AMPD3: variants seen among roughly 807,000 people sequenced by gnomAD.
AMPD3 encodes adenosine monophosphate deaminase 3.
Under a neutral mutation model 82.3 loss-of-function variants are expected in AMPD3, and 57 were observed. The ratio of observed to expected loss-of-function variants is 0.69; its 90% CI spans 0.56 to 0.86. AMPD3 has a LOEUF of 0.86. AMPD3 is among the 40% of genes least tolerant of loss of function. The probability of loss-of-function intolerance (pLI) is 0.00; values close to 1 mark genes in which losing one functional copy is unlikely to be tolerated. For missense variants in AMPD3, 870 were observed against 1,003.8 expected (o/e 0.87, Z 1.80); for synonymous variants, 381 against 394.7 (o/e 0.97, Z 0.41).
chr11:10,497,341 A>G (rs1304329959), intron 10 of AMPD3, among the ~76,000 whole-genome samples: 2 of 152,024 alleles, frequency 1.3e-5, no homozygotes, highest in African/African-American at 2.4e-5. Flanking sequence ...TTTACCTCGC[A>G]ACAGAGGCCC....
chr11:10,454,144 T>C (rs531439091), upstream of AMPD3, among the ~76,000 whole-genome samples: 2 of 152,298 alleles, frequency 1.3e-5, no homozygotes, highest in East Asian at 1.9e-4. Flanking sequence ...GGTGGAATTG[T>C]GAGGTCCTGA....
chr11:10,496,180 G>A, intron 9 of AMPD3: 7 of 975,562 alleles, frequency 7.2e-6, no homozygotes, highest in Non-Finnish European at 8.5e-6. Flanking sequence ...CTCCCAAAAT[G>A]CTGGGATTAC....
At chr11:10,490,984 G>T (rs1468928424) in intron 6 of AMPD3, among the ~76,000 whole-genome samples, 1 of 152,232 alleles carries the variant, frequency 6.6e-6, no homozygotes, top group Non-Finnish European at 1.5e-5. Flanking sequence ...ATGAGTGAGT[G>T]CTGTGGCTAA....
At chr11:10,484,197 AGAG>A in intron 4 of AMPD3, 4 of 972,012 alleles carry the variant, frequency 4.1e-6, no homozygotes, top group Non-Finnish European at 4.9e-6. Flanking sequence ...GAAATTGCAT[AGAG>A]GAGTTTTCTA....
chr11:10,495,237 G>A (rs536168795), intron 8 of AMPD3: 1 of 985,428 alleles, frequency 1.0e-6, no homozygotes, highest in East Asian at 1.1e-4. Flanking sequence ...GGAAAGAGGA[G>A]GGAAGGGTAT....
At chr11:10,501,326 G>T in intron 11 of AMPD3, 144 bp from the exon 12 acceptor site, 1 of 1,449,366 alleles carries the variant, frequency 6.9e-7, no homozygotes, top group Non-Finnish European at 9.1e-7. Flanking sequence ...ATTTTAGGAG[G>T]GGTAGTTTCC....
At chr11:10,472,364 G>A (rs898237288) in intron 2 of AMPD3, among the ~76,000 whole-genome samples, 3 of 152,000 alleles carry the variant, frequency 2.0e-5, no homozygotes, top group Non-Finnish European at 4.4e-5. Flanking sequence ...GATGGGTGCA[G>A]CAAACCACCA....
chr11:10,496,193 G>A (rs1257107171), intron 9 of AMPD3: 1 of 984,142 alleles, frequency 1.0e-6, no homozygotes, highest in East Asian at 1.1e-4. Context: ...GGGATTACAG[G>A]TGTGAGCCAC....
chr11:10,466,547 AC>A (rs1458131770), intron 2 of AMPD3, among the ~76,000 whole-genome samples: 1 of 152,152 alleles, frequency 6.6e-6, no homozygotes, highest in African/African-American at 2.4e-5. Context: ...CCAATCAGGG[AC>A]TTATAGATAA....
chr11:10,484,280 C>T, intron 4 of AMPD3: 2 of 985,370 alleles, frequency 2.0e-6, no homozygotes, highest in Non-Finnish European at 2.4e-6. Flanking sequence ...TTGGCATTCT[C>T]TGCTCTGGGG....
At chr11:10,465,459 G>A (rs1220074249) in intron 2 of AMPD3, among the ~76,000 whole-genome samples, 2 of 152,258 alleles carry the variant, frequency 1.3e-5, no homozygotes, top group Non-Finnish European at 2.9e-5. Flanking sequence ...CCGGTCTGCA[G>A]CTCCCAGTGA....
intron 2 of AMPD3, chr11:10,477,874 A>T: frequency 1.0e-6 from 1 of 985,380 alleles, no homozygotes; most frequent in Non-Finnish European, 1.2e-6. Flanking sequence ...CTTGGCACCC[A>T]GTAGGTCTGC....
At position 10,500,133 on chromosome 11, in the gene AMPD3, C is replaced by T; in HGVS notation, c.1605C>T (p.His535=). The T allele has an allele frequency of 6.2e-7, 1 of 1,614,198 alleles. No individual in the cohort carries two copies. ...ATGATGAGTCCAAGCACAGCGACCA[C>T]ATGTTTTCCGACAAGAGCCCAAACC... ...SVDDESKHSD[H]MFSDKSPNPD... Residue 535 remains histidine, a synonymous_variant, in exon 11 of 15, where the codon CAC becomes CAT. Coordinates refer to ENST00000396553, the MANE Select transcript of AMPD3 (RefSeq NM_001025389.2).
intron 13 of AMPD3, among the ~76,000 whole-genome samples, chr11:10,503,151 G>A (rs1266400867): frequency 6.6e-6 from 1 of 152,174 alleles, no homozygotes; most frequent in Non-Finnish European, 1.5e-5. Context: ...ACATTTATGA[G>A]CTCTGTGACC....
chr11:10,506,952 C>CA lies in AMPD3; in HGVS notation c.*1072dup, dbSNP rs1346226838. On this transcript the variant is annotated 3_prime_UTR_variant, in exon 15 of 15. Coordinates refer to ENST00000396553, the MANE Select transcript of AMPD3 (RefSeq NM_001025389.2). This position sits in a 1 kb window ranked among gnomAD's most constrained non-coding sequence, Gnocchi z 4.1. The stretch of plus-strand genomic sequence containing the variant: ...TGTAACCGGATGCATTTTTTTAAGG[C>CA]AAAATTTCTCCCTTATCTACTATGA... The CA allele has an allele frequency of 6.6e-6, 1 of 152,146 alleles. No individual in the cohort carries two copies. Among genetic ancestry groups the CA allele is most frequent in the African/African-American group, 2.4e-5 (1 of 41,296 alleles). 9.4% of individuals were successfully genotyped at this position (152,146 alleles called of 1,614,324 possible). A position where few individuals can be genotyped will look rare whatever the true frequency, so the allele number is the denominator to read the frequency against.
rs1434916800 is a variant in AMPD3 at position 10,507,197 on chromosome 11, T to A, written c.*1313T>A. ...TTAAGAGGCTGCTCAAGGACCTTCC[T>A]ATCTATTTCTGTGGTCAAATTCAGA... On this transcript the variant is annotated 3_prime_UTR_variant, in exon 15 of 15. Coordinates refer to ENST00000396553, the MANE Select transcript of AMPD3 (RefSeq NM_001025389.2). 2 of 152,354 alleles carry A rather than the reference T, an allele frequency of 1.3e-5. No individual in the cohort carries two copies. Among genetic ancestry groups the A allele is most frequent in the African/African-American group, 2.4e-5 (1 of 41,452 alleles). The allele number at this position is 152,354 out of a possible 1,614,324, so 9.4% of individuals were successfully genotyped here. A position where few individuals can be genotyped will look rare whatever the true frequency, so the allele number is the denominator to read the frequency against.
chr11:10,504,043 A>G, intron 13 of AMPD3: 1 of 980,730 alleles, frequency 1.0e-6, no homozygotes, highest in African/African-American at 1.7e-5. Flanking sequence ...GGATTACACC[A>G]TTTTACCACT....
intron 2 of AMPD3, among the ~76,000 whole-genome samples, chr11:10,470,597 G>A (rs1848560540): frequency 6.6e-6 from 1 of 152,214 alleles, no homozygotes; most frequent in East Asian, 1.9e-4. Flanking sequence ...TCCTTAAGCT[G>A]ATAAGCAACT....
At chr11:10,489,173 G>A (rs1028550887) in intron 6 of AMPD3, among the ~76,000 whole-genome samples, 4 of 152,198 alleles carry the variant, frequency 2.6e-5, no homozygotes, top group Non-Finnish European at 4.4e-5. Flanking sequence ...AGGCTTAGGC[G>A]TTCAGACAGG....
Sources: gnomAD v4.1 joint callset for allele counts (sites outside exome capture counted in the v4.1 genomes callset) on GRCh38, gnomAD v4.1.1 for gene constraint, Gnocchi (gnomAD v3.1) non-coding constraint, MANE v1.5 for transcripts, NCBI Gene and HGNC (gene_info 2026-07-23, HGNC 2026-07-21) for gene names.